DLC1: variants seen among roughly 807,000 people sequenced by gnomAD.
DLC1 encodes the protein rho GTPase-activating protein 7.
A neutral mutation model predicts 140.3 loss-of-function variants in DLC1; 54 were observed. The observed-to-expected ratio is 0.38, with a 90% CI of 0.31 to 0.48. The LOEUF is 0.48. DLC1 is among the 20% of genes least tolerant of loss of function. DLC1 has a pLI of 0.96. For missense variants in DLC1, 2,536 were observed against 1,907.0 expected (o/e 1.33, Z -6.14); for synonymous variants, 986 against 728.1 (o/e 1.35, Z -5.70).
chr8:13,400,149 A>G (rs753699918), intron 3 of DLC1, among the ~76,000 whole-genome samples: 6 of 152,236 alleles, frequency 3.9e-5, no homozygotes, highest in Admixed American at 6.5e-5. Flanking sequence ...AATATCATAA[A>G]GATCAAAAAG....
At chr8:13,578,926 C>A in intron 1 of DLC1, among the ~76,000 whole-genome samples, 1 of 151,930 alleles carries the variant, frequency 6.6e-6, no homozygotes, top group Non-Finnish European at 1.5e-5. Context: ...CTACTCCCCT[C>A]CCCAGAGGTT....
chr8:13,180,119 C>G (rs1361557591), intron 5 of DLC1, among the ~76,000 whole-genome samples: 1 of 152,320 alleles, frequency 6.6e-6, no homozygotes, highest in African/African-American at 2.4e-5. Context: ...TACAGACATT[C>G]TTTGACTCCC....
intron 2 of DLC1, among the ~76,000 whole-genome samples, chr8:13,459,340 C>A (rs988973930): frequency 6.6e-6 from 1 of 152,124 alleles, no homozygotes; most frequent in African/African-American, 2.4e-5. Flanking sequence ...ATCCCAATGT[C>A]AGAAGGTGGT....
At chr8:13,174,763 A>C (rs12549351) in intron 5 of DLC1, among the ~76,000 whole-genome samples, 152,182 of 152,302 alleles carry the variant, frequency 1, 76,031 homozygotes, top group East Asian at 1. Flanking sequence ...GCATATTAGA[A>C]CTTTGTCAGA....
intron 5 of DLC1, among the ~76,000 whole-genome samples, chr8:13,281,169 G>A (rs929766300): frequency 2.6e-5 from 4 of 152,204 alleles, no homozygotes; most frequent in African/African-American, 9.7e-5. Flanking sequence ...GAAATGTTTA[G>A]TTAATATAAT....
intron 1 of DLC1, among the ~76,000 whole-genome samples, chr8:13,600,162 T>C (rs1233612394): frequency 6.6e-6 from 1 of 151,940 alleles, no homozygotes; most frequent in African/African-American, 2.4e-5. Flanking sequence ...CCAAAGTATG[T>C]AATTCTCTAT....
intron 2 of DLC1, among the ~76,000 whole-genome samples, chr8:13,457,587 G>C (rs1799456707): frequency 7.3e-6 from 1 of 136,284 alleles, no homozygotes; most frequent in African/African-American, 2.7e-5. Flanking sequence ...TGAGGCAGGA[G>C]AATGATGTGA....
Position 13,245,034 on chromosome 8 carries a change from G to A in DLC1, c.1348+60235C>T, listed in dbSNP as rs1379084301. Among the ~76,000 whole-genome samples the A allele has an allele frequency of 3.3e-5, 5 of 152,296 alleles. No individual in the cohort carries two copies. In the East Asian group the frequency reaches 7.7e-4, roughly 24 times the overall value. ...TTCCACCCCTTATGTTAAGGCAGGA[G>A]TATCACTTGCTTGTAACCAACAGAA... On this transcript the variant is annotated intron_variant, in intron 5 of 17. Transcript: ENST00000276297.
intron 1 of DLC1, among the ~76,000 whole-genome samples, chr8:13,600,268 G>C (rs1002768362): frequency 2.0e-5 from 3 of 151,732 alleles, no homozygotes; most frequent in Non-Finnish European, 4.4e-5. Context: ...TTATCCCAAG[G>C]CATGGACTAT....
intron 4 of DLC1, among the ~76,000 whole-genome samples, chr8:13,323,098 T>C (rs1457207252): frequency 6.6e-6 from 1 of 152,180 alleles, no homozygotes; most frequent in Admixed American, 6.5e-5. Context: ...CCCTATGACA[T>C]AGGCTCAGCT....
At chr8:13,343,800 T>A (rs1834184325) in intron 4 of DLC1, among the ~76,000 whole-genome samples, 1 of 152,206 alleles carries the variant, frequency 6.6e-6, no homozygotes, top group African/African-American at 2.4e-5. Flanking sequence ...TTGATGGAAA[T>A]GTGATCCTGA....
intron 1 of DLC1, among the ~76,000 whole-genome samples, chr8:13,557,094 G>A (rs1237493754): frequency 6.6e-6 from 1 of 152,144 alleles, no homozygotes; most frequent in Non-Finnish European, 1.5e-5. Flanking sequence ...AAAGCTGCTG[G>A]GGAACTCTGA....
At chr8:13,227,005 A>G (rs1172442588) in intron 5 of DLC1, among the ~76,000 whole-genome samples, 1 of 152,066 alleles carries the variant, frequency 6.6e-6, no homozygotes, top group Admixed American at 6.5e-5. Flanking sequence ...ACTGGGCACA[A>G]ATGAGAAATA....
At chr8:13,248,708 A>T (rs1829870137) in intron 5 of DLC1, among the ~76,000 whole-genome samples, 1 of 151,924 alleles carries the variant, frequency 6.6e-6, no homozygotes, top group South Asian at 2.1e-4. Flanking sequence ...ACGCATTCTG[A>T]TCTCATCCTT....
chr8:13,100,176 C>A lies in DLC1; in HGVS notation c.2161G>T (p.Gly721Cys). 3.1e-6 allele frequency: 5 copies of A among 1,614,020 alleles called. No individual in the cohort carries two copies. Among genetic ancestry groups the A allele is most frequent in the Non-Finnish European group, 3.4e-6 (4 of 1,180,020 alleles). The change falls in exon 9 of 18, where the codon GGC (glycine) becomes TGC (cysteine). Residue 721 changes from glycine (G) to cysteine (C), a missense_variant. Coordinates refer to ENST00000276297, the MANE Select transcript of DLC1 (RefSeq NM_182643.3). ...LNCVEISALN[G>C]NRINVPMVRK... ...ACCATGGGGACGTTGATGCGGTTGC[C>A]ATTGAGGGCGGAGATCTCCACGCAG...
At chr8:13,582,365 G>A (rs1173524489) in intron 1 of DLC1, among the ~76,000 whole-genome samples, 1 of 152,182 alleles carries the variant, frequency 6.6e-6, no homozygotes, top group Non-Finnish European at 1.5e-5. Context: ...TATTAATCCT[G>A]GGTGTGTCTG....
intron 2 of DLC1, among the ~76,000 whole-genome samples, chr8:13,442,491 C>T (rs1242175351): frequency 6.6e-6 from 1 of 152,196 alleles, no homozygotes; most frequent in East Asian, 1.9e-4. Context: ...CTACACTGAA[C>T]TCAAACAAGT....
intron 4 of DLC1, among the ~76,000 whole-genome samples, chr8:13,382,996 A>G (rs1836343752): frequency 1.3e-5 from 2 of 152,256 alleles, no homozygotes; most frequent in Admixed American, 1.3e-4. Context: ...ATATGAGCAG[A>G]AACACCTATA....
At chr8:13,454,640 C>T (rs7828893) in intron 2 of DLC1, among the ~76,000 whole-genome samples, 11,552 of 152,166 alleles carry the variant, frequency 0.076, 1,415 homozygotes, top group African/African-American at 0.26. Context: ...ACTGCAACGT[C>T]GACCTCTGGG....
Sources: allele counts gnomAD v4.1 joint callset (sites outside exome capture counted in the v4.1 genomes callset), GRCh38; gene constraint gnomAD v4.1.1; transcripts MANE v1.5; gene names NCBI Gene and HGNC (gene_info 2026-07-23, HGNC 2026-07-21).